The following CENPW variants were observed in gnomAD, a reference collection of about 807,000 sequenced individuals.
CENPW encodes centromere protein W.
CENPW carries 3 observed loss-of-function variants against 11.1 expected under a neutral mutation model. The observed-to-expected ratio is 0.27, with a 90% CI of 0.12 to 0.70. The LOEUF (loss-of-function observed/expected upper bound fraction) is 0.70, where lower values mean the gene tolerates loss of function less well. Among genes scored for constraint, CENPW ranks in the 30% least tolerant of loss-of-function variants. The pLI is 0.77. For synonymous variants in CENPW, 38 were observed against 42.0 expected (o/e 0.91, Z 0.37); for missense variants, 100 against 105.6 (o/e 0.95, Z 0.23).
the CENPW span, among the ~76,000 whole-genome samples, chr6:126,408,108 T>G: frequency 6.6e-6 from 1 of 152,118 alleles, no homozygotes; most frequent in African/African-American, 2.4e-5. Flanking sequence ...TAGTAAATGG[T>G]GCTGGAACAA....
At chr6:126,406,853 G>GA in the CENPW span, among the ~76,000 whole-genome samples, 1,379 of 139,438 alleles carry the variant, frequency 9.9e-3, 14 homozygotes, top group African/African-American at 0.032. Context: ...CTCCATCCTG[G>GA]AAAAAAAAAA....
the CENPW span, among the ~76,000 whole-genome samples, chr6:126,404,304 T>C: frequency 6.6e-6 from 1 of 152,134 alleles, no homozygotes; most frequent in Non-Finnish European, 1.5e-5. Flanking sequence ...CATAGGTTCT[T>C]ATTTAAGACA....
At chr6:126,386,763 A>C in the CENPW span, among the ~76,000 whole-genome samples, 1 of 151,992 alleles carries the variant, frequency 6.6e-6, no homozygotes, top group Admixed American at 6.6e-5. Context: ...AGGGGCACAA[A>C]GATGAATAAG....
chr6:126,377,246 G>A, the CENPW span, among the ~76,000 whole-genome samples: 1 of 152,072 alleles, frequency 6.6e-6, no homozygotes, highest in African/African-American at 2.4e-5. Context: ...ATAAAAGGAT[G>A]TATTCTTTTA....
At chr6:126,381,259 G>C in the CENPW span, among the ~76,000 whole-genome samples, 2 of 152,060 alleles carry the variant, frequency 1.3e-5, no homozygotes, top group African/African-American at 4.8e-5. Context: ...GTTGTCTTAG[G>C]ACCTTTACTG....
At chr6:126,384,051 C>T in the CENPW span, among the ~76,000 whole-genome samples, 2 of 152,156 alleles carry the variant, frequency 1.3e-5, no homozygotes, top group South Asian at 2.1e-4. Flanking sequence ...AGCAATCACT[C>T]TCTTGGACCA....
chr6:126,455,153 T>TGGTAC, the CENPW span, among the ~76,000 whole-genome samples: 1 of 151,410 alleles, frequency 6.6e-6, no homozygotes, highest in African/African-American at 2.4e-5. Context: ...AAACAAAAGC[T>TGGTAC]GGTACCATTC....
the CENPW span, among the ~76,000 whole-genome samples, chr6:126,456,203 C>A: frequency 5.5e-4 from 83 of 151,234 alleles, no homozygotes; most frequent in African/African-American, 2.0e-3. Flanking sequence ...TTAGTAAAAA[C>A]TTTTAAATTC....
At chr6:126,473,223 A>G in the CENPW span, among the ~76,000 whole-genome samples, 1 of 152,126 alleles carries the variant, frequency 6.6e-6, no homozygotes, top group Admixed American at 6.5e-5. Context: ...AAATGTTCAC[A>G]TGTAGGCCTT....
the CENPW span, among the ~76,000 whole-genome samples, chr6:126,390,544 A>G: frequency 6.6e-6 from 1 of 151,844 alleles, no homozygotes; most frequent in African/African-American, 2.4e-5. Context: ...TGTGCTATGA[A>G]ATACTAGGTT....
In CENPW at chr6:126,348,762, T is replaced by C. The variant is rs561284516; in HGVS notation, c.*270T>C. The C allele has an allele frequency of 4.3e-4, 106 of 247,996 alleles. No individual in the cohort carries two copies. In the East Asian group the frequency reaches 8.3e-3, roughly 19 times the overall value. 15.4% of individuals were successfully genotyped at this position (247,996 alleles called of 1,614,324 possible). A position where few individuals can be genotyped will look rare whatever the true frequency, so the allele number is the denominator to read the frequency against. ...GTTGCTGCTGCAAATATTTTATGTA[T>C]CAAAAATGAAATCTTACTATATTAA... is the stretch of plus-strand genomic sequence containing the variant. On this transcript the variant is annotated 3_prime_UTR_variant, in exon 3 of 3. Transcript: ENST00000368328.
the CENPW span, among the ~76,000 whole-genome samples, chr6:126,435,371 T>C: frequency 1.3e-5 from 2 of 152,024 alleles, no homozygotes; most frequent in Admixed American, 1.3e-4. Context: ...TATGGTGATA[T>C]TATGCTTACT....
chr6:126,392,962 A>G, the CENPW span, among the ~76,000 whole-genome samples: 1 of 151,820 alleles, frequency 6.6e-6, no homozygotes. Context: ...TACAGATTCA[A>G]TCTTATTATT....
At chr6:126,423,133 A>G in the CENPW span, among the ~76,000 whole-genome samples, 2 of 152,168 alleles carry the variant, frequency 1.3e-5, no homozygotes, top group East Asian at 3.9e-4. Context: ...TTTGAATGAC[A>G]TCACAATGAC....
chr6:126,357,898 C>T, the CENPW span, among the ~76,000 whole-genome samples: 20 of 152,144 alleles, frequency 1.3e-4, no homozygotes, highest in African/African-American at 1.7e-4. Context: ...TGAGCCACCA[C>T]GCCTGGCCAG....
the CENPW span, among the ~76,000 whole-genome samples, chr6:126,468,223 C>T: frequency 6.6e-6 from 1 of 151,780 alleles, no homozygotes; most frequent in Non-Finnish European, 1.5e-5. Flanking sequence ...GAGTTTGAGA[C>T]CAGCCTGACC....
chr6:126,414,251 G>C, the CENPW span, among the ~76,000 whole-genome samples: 2,962 of 151,982 alleles, frequency 0.019, 101 homozygotes, highest in African/African-American at 0.065. Flanking sequence ...GCTTTGGATA[G>C]ATAATCTAGA....
At chr6:126,341,942 AT>A (rs1780319391) in intron 1 of CENPW, among the ~76,000 whole-genome samples, 2 of 152,112 alleles carry the variant, frequency 1.3e-5, no homozygotes, top group African/African-American at 4.8e-5. Flanking sequence ...GTGAGTTGAA[AT>A]TTCAAGCGGT....
chr6:126,402,128 G>C, the CENPW span, among the ~76,000 whole-genome samples: 1 of 151,968 alleles, frequency 6.6e-6, no homozygotes, highest in South Asian at 2.1e-4. Flanking sequence ...GATATTGTAA[G>C]TTTTGCACTT....
Sources: gnomAD v4.1 joint callset for allele counts (sites outside exome capture counted in the v4.1 genomes callset) on GRCh38, gnomAD v4.1.1 for gene constraint, MANE v1.5 for transcripts, NCBI Gene and HGNC (gene_info 2026-07-23, HGNC 2026-07-21) for gene names.